DEAF1: variants seen among roughly 807,000 people sequenced by gnomAD.
The protein encoded by DEAF1 is deformed epidermal autoregulatory factor 1 homolog.
A neutral mutation model predicts 58.9 loss-of-function variants in DEAF1; 53 were observed. That is an observed-to-expected ratio of 0.90 (90% confidence interval 0.72 to 1.13). The LOEUF (loss-of-function observed/expected upper bound fraction) is 1.13. DEAF1 is among the 50% of genes most tolerant of loss of function. DEAF1 has a pLI of 0.00. For missense variants in DEAF1, 685 were observed against 791.4 expected, an observed-to-expected ratio of 0.87 and a Z score of 1.61; for synonymous variants, 385 against 340.4, an observed-to-expected ratio of 1.13 and a Z score of -1.44.
At chr11:675,688 G>A (rs560618937) in intron 9 of DEAF1, among the ~76,000 whole-genome samples, 7 of 152,128 alleles carry the variant, frequency 4.6e-5, no homozygotes, top group Non-Finnish European at 1.0e-4. Flanking sequence ...GCTAGGCGTG[G>A]AAGCGTCTAT....
Position 681,001 on chromosome 11 carries a change from T to C in DEAF1, c.959A>G (p.Lys320Arg), listed in dbSNP as rs148536538. The change falls in exon 7 of 12, where the codon AAG becomes AGG. Residue 320 changes from lysine (K) to arginine (R), a missense_variant. Lys to Arg is a conservative substitution (Grantham distance 26). Around this residue, in one of 3 missense-constraint regions of DEAF1, gnomAD observed 343 missense variants for 379.8 expected, o/e 0.90. Coordinates refer to ENST00000382409, the MANE Select transcript of DEAF1 (RefSeq NM_021008.4). ...PTTPVKKDSPKNITLLPATAA... is the reference protein window; with the variant it reads ...PTTPVKKDSPRNITLLPATAA... ...GGTGGCTGGAAGCAATGTGATGTTC[T>C]TGGGGGAGTCCTTCTTCACGGGAGT... is the stretch of plus-strand genomic sequence containing the variant. 2.2e-5 allele frequency: 35 copies of C among 1,614,086 alleles called. No homozygotes were observed. The African/African-American group carries it at 4.0e-4, about 18-fold the overall frequency.
intron 10 of DEAF1, among the ~76,000 whole-genome samples, chr11:660,916 A>T (rs1859293302): frequency 6.6e-6 from 1 of 152,180 alleles, no homozygotes; most frequent in African/African-American, 2.4e-5. Context: ...CCCCGCAGGG[A>T]AGCGGCTGCT....
At position 676,865 on chromosome 11, in the gene DEAF1, A is replaced by G. The variant is rs1220532699; in HGVS notation, c.1255+1829T>C. On this transcript the variant is annotated intron_variant, in intron 9 of 11. Coordinates refer to ENST00000382409, the MANE Select transcript of DEAF1 (RefSeq NM_021008.4). ...ACTAGCACAAACCCTGAGGTTCTGC[A>G]CTGGAACTAGAGACACTGGGGCAAA... Among the ~76,000 whole-genome samples, 4 of 152,290 alleles carry G rather than the reference A, an allele frequency of 2.6e-5. No homozygotes were observed. In the East Asian group the frequency reaches 7.8e-4, roughly 30 times the overall value.
upstream of DEAF1, chr11:698,823 A>G: frequency 6.2e-7 from 1 of 1,613,384 alleles, no homozygotes; most frequent in Non-Finnish European, 8.5e-7. Context: ...CCGGGAAAGC[A>G]TCCTGGTGGC....
At chr11:649,615 G>C (rs1858669198) in intron 11 of DEAF1, among the ~76,000 whole-genome samples, 1 of 151,800 alleles carries the variant, frequency 6.6e-6, no homozygotes, top group Non-Finnish European at 1.5e-5. Flanking sequence ...AGTTACTCGG[G>C]AGAATGAGGC....
intron 11 of DEAF1, 153 bp downstream of exon 11, chr11:653,809 C>T (rs538844304): frequency 4.2e-5 from 30 of 721,292 alleles, no homozygotes; most frequent in South Asian, 3.9e-4. Flanking sequence ...AGGGTCTTCA[C>T]GGAGCCAGGC....
intron 1 of DEAF1, among the ~76,000 whole-genome samples, chr11:702,129 A>G (rs1455424534): frequency 6.6e-6 from 1 of 152,146 alleles, no homozygotes; most frequent in Non-Finnish European, 1.5e-5. Flanking sequence ...GCTGCGGGGA[A>G]GGGTGGCCCC....
chr11:703,873 C>G, intron 1 of DEAF1: 1 of 1,237,360 alleles, frequency 8.1e-7, no homozygotes, highest in Non-Finnish European at 1.0e-6. Flanking sequence ...GGGCCACATT[C>G]GGAGCCTCCG....
intron 11 of DEAF1, among the ~76,000 whole-genome samples, chr11:650,543 G>A (rs1248605585): frequency 6.6e-6 from 1 of 152,140 alleles, no homozygotes; most frequent in Non-Finnish European, 1.5e-5. Context: ...AATAGAAACA[G>A]GGTCTCGCTT....
rs1474675826 is a variant in DEAF1, at chr11:679,709, C to T, written c.1105G>A (p.Asp369Asn). The change falls in exon 8 of 12, where the codon GAC becomes AAC. Residue 369 changes from aspartate (D) to asparagine (N), a missense_variant. Coordinates refer to ENST00000382409, the MANE Select transcript of DEAF1 (RefSeq NM_021008.4). The part of the protein sequence containing the change: ...AVISESPAQG[D>N]VFAGATVQEA... The stretch of plus-strand genomic sequence containing the variant: ...TCACCTGTGGCCCCTGCGAAGACGT[C>T]GCCCTGGGCCGGACTCTCTGATATG... 5.6e-6 allele frequency: 9 copies of T among 1,612,888 alleles called. No individual in the cohort carries two copies. The highest frequency in any genetic ancestry group is 4.0e-5 in the African/African-American group (3 of 74,956).
chr11:644,773 G>A lies in DEAF1; in HGVS notation c.1594-119C>T. 1.3e-6 allele frequency: 1 copy of A among 790,742 alleles called. No homozygotes were observed. Among genetic ancestry groups the A allele is most frequent in the Non-Finnish European group, 2.1e-6 (1 of 467,710 alleles). 49.0% of individuals were successfully genotyped at this position (790,742 alleles called of 1,614,324 possible). On this transcript the variant is annotated intron_variant, in intron 11 of 11. Coordinates refer to ENST00000382409, the MANE Select transcript of DEAF1 (RefSeq NM_021008.4). The surrounding 1 kb of genome is among the most constrained non-coding windows in gnomAD (Gnocchi z 4.3). Reference sequence around the variant, plus strand: ...CTGTAACCTCACCTGGAGGTGCTGAGAATGCCCTCCCCAGCCCCCGTGCGC... The same window carrying A: ...CTGTAACCTCACCTGGAGGTGCTGAAAATGCCCTCCCCAGCCCCCGTGCGC...
At position 678,654 on chromosome 11, in the gene DEAF1, G is replaced by A. The variant is rs1860189288; in HGVS notation, c.1255+40C>T. 7 of 1,613,236 alleles carry A rather than the reference G, an allele frequency of 4.3e-6. No homozygotes were observed. The East Asian group carries it at 1.1e-4, about 26-fold the overall frequency. On this transcript the variant is annotated intron_variant, in intron 9 of 11. Transcript: ENST00000382409. ...ATTCTTTCATTGGAAGCAATTCTGA[G>A]GACAATAACCTGTACATGTGTGAAT...
intron 10 of DEAF1, among the ~76,000 whole-genome samples, chr11:659,155 G>T (rs1398488463): frequency 6.6e-6 from 1 of 151,748 alleles, no homozygotes; most frequent in Non-Finnish European, 1.5e-5. Flanking sequence ...ACTTTGGGAG[G>T]CCGAGGCGGG....
At chr11:692,135 C>T in intron 1 of DEAF1, 1 of 227,884 alleles carries the variant, frequency 4.4e-6, no homozygotes, top group Non-Finnish European at 8.9e-6. Context: ...CTAAAAAGTA[C>T]ATCTAACCTG....
At chr11:672,181 G>C (rs1373162585) in intron 10 of DEAF1, among the ~76,000 whole-genome samples, 1 of 152,170 alleles carries the variant, frequency 6.6e-6, no homozygotes, top group East Asian at 1.9e-4. Flanking sequence ...GAGAATCACT[G>C]TTTGTTATGT....
chr11:694,077 T>TG (rs1373401161), intron 1 of DEAF1, among the ~76,000 whole-genome samples: 2 of 151,658 alleles, frequency 1.3e-5, no homozygotes, highest in South Asian at 2.1e-4. Flanking sequence ...CCTCAGGAAG[T>TG]GGGGGGTTCC....
intron 1 of DEAF1, among the ~76,000 whole-genome samples, chr11:705,905 C>A (rs1309950242): frequency 6.6e-6 from 1 of 152,228 alleles, no homozygotes; most frequent in Non-Finnish European, 1.5e-5. Context: ...CCTGCTCATC[C>A]CGCGGAGGCG....
At chr11:652,289 G>GA (rs372878818) in intron 11 of DEAF1, among the ~76,000 whole-genome samples, 8 of 152,126 alleles carry the variant, frequency 5.3e-5, no homozygotes, top group African/African-American at 1.4e-4. Flanking sequence ...ATAGGTCACA[G>GA]AAAAAAATCA....
intron 11 of DEAF1, among the ~76,000 whole-genome samples, chr11:647,314 C>T (rs564988312): frequency 3.0e-4 from 46 of 152,088 alleles, no homozygotes; most frequent in African/African-American, 1.1e-3. Context: ...ATTAGCCGGA[C>T]GTGGTGGCGG....
Sources: gnomAD v4.1 joint callset for allele counts (sites outside exome capture counted in the v4.1 genomes callset) on GRCh38, gnomAD v4.1.1 for gene constraint, gnomAD v4.1.1 regional missense constraint, Gnocchi (gnomAD v3.1) non-coding constraint, MANE v1.5 for transcripts, NCBI Gene and HGNC (gene_info 2026-07-23, HGNC 2026-07-21) for gene names.